PGCKA1: variants seen among roughly 807,000 people sequenced by gnomAD.
PGCKA1 encodes the protein PDCD10 and GCKIII kinases associated 1.
the PGCKA1 span, among the ~76,000 whole-genome samples, chr4:37,543,443 A>G: frequency 1.3e-5 from 2 of 152,226 alleles, no homozygotes; most frequent in South Asian, 4.1e-4. Flanking sequence ...TCATTTATTG[A>G]ATGTTCTGTA....
chr4:37,471,711 G>A, the PGCKA1 span, among the ~76,000 whole-genome samples: 1 of 152,138 alleles, frequency 6.6e-6, no homozygotes, highest in Non-Finnish European at 1.5e-5. Flanking sequence ...AAATGGGAGA[G>A]GGGAGGGAAG....
At chr4:37,560,578 C>T in the PGCKA1 span, among the ~76,000 whole-genome samples, 3 of 152,166 alleles carry the variant, frequency 2.0e-5, no homozygotes, top group Non-Finnish European at 1.5e-5. Flanking sequence ...TCCCCTCCAC[C>T]ACACACCATT....
At chr4:37,503,087 G>C in the PGCKA1 span, among the ~76,000 whole-genome samples, 1 of 152,170 alleles carries the variant, frequency 6.6e-6, no homozygotes, top group African/African-American at 2.4e-5. Flanking sequence ...GCTCTGCATA[G>C]CTGGTATGCT....
chr4:37,506,236 T>C, the PGCKA1 span, among the ~76,000 whole-genome samples: 7 of 152,216 alleles, frequency 4.6e-5, no homozygotes, highest in African/African-American at 1.7e-4. Context: ...AATCAACTTT[T>C]TGTTTTGTTT....
At chr4:37,565,381 C>G in the PGCKA1 span, among the ~76,000 whole-genome samples, 1 of 152,164 alleles carries the variant, frequency 6.6e-6, no homozygotes, top group Non-Finnish European at 1.5e-5. Flanking sequence ...GAAGGGGGGG[C>G]TCTGAGATTG....
the PGCKA1 span, chr4:37,460,923 T>C: frequency 5.1e-6 from 2 of 393,256 alleles, no homozygotes; most frequent in Non-Finnish European, 9.8e-6. Context: ...GCCTATGTCC[T>C]GAGTGGTATT....
the PGCKA1 span, among the ~76,000 whole-genome samples, chr4:37,480,978 C>G: frequency 6.6e-6 from 1 of 152,206 alleles, no homozygotes; most frequent in Non-Finnish European, 1.5e-5. Context: ...ATAAATCATG[C>G]TAATAATGTG....
chr4:37,589,026 TAA>T, the PGCKA1 span: 1 of 679,480 alleles, frequency 1.5e-6, no homozygotes, highest in African/African-American at 1.8e-5. Flanking sequence ...GCCAACACAT[TAA>T]GAGTTTGGAA....
chr4:37,543,750 C>T, the PGCKA1 span, among the ~76,000 whole-genome samples: 16 of 151,670 alleles, frequency 1.1e-4, no homozygotes, highest in South Asian at 3.3e-3. Context: ...AGGAGAATGG[C>T]GTGAACCCAG....
At chr4:37,478,337 G>A in the PGCKA1 span, among the ~76,000 whole-genome samples, 8 of 152,024 alleles carry the variant, frequency 5.3e-5, no homozygotes, top group Admixed American at 1.3e-4. Flanking sequence ...AATGGTGCCC[G>A]GATCTCTAGG....
At chr4:37,572,048 C>CTTTTTTTTTTTTTTTTTTTTT in the PGCKA1 span, among the ~76,000 whole-genome samples, 1 of 111,630 alleles carries the variant, frequency 9.0e-6, no homozygotes, top group Non-Finnish European at 1.8e-5. Flanking sequence ...AACTTCACAC[C>CTTTTTTTTTTTTTTTTTTTTT]TTTTTTTTTT....
chr4:37,503,780 AT>A, the PGCKA1 span, among the ~76,000 whole-genome samples: 2 of 152,194 alleles, frequency 1.3e-5, no homozygotes, highest in African/African-American at 4.8e-5. Context: ...TCTTTTGCCG[AT>A]TTTTTAATCG....
the PGCKA1 span, among the ~76,000 whole-genome samples, chr4:37,499,830 G>A: frequency 6.8e-6 from 1 of 146,300 alleles, no homozygotes; most frequent in Non-Finnish European, 1.5e-5. Context: ...GTTATTTCTT[G>A]TCTTCTGCTA....
chr4:37,494,496 T>C, the PGCKA1 span, among the ~76,000 whole-genome samples: 6 of 152,234 alleles, frequency 3.9e-5, no homozygotes, highest in Non-Finnish European at 7.3e-5. Flanking sequence ...ATAGTGTATA[T>C]GTACCAATTT....
chr4:37,461,307 T>A, the PGCKA1 span, among the ~76,000 whole-genome samples: 1 of 152,080 alleles, frequency 6.6e-6, no homozygotes, highest in African/African-American at 2.4e-5. Flanking sequence ...GGACTCTTTT[T>A]TGGTTCCATA....
chr4:37,506,198 G>A, the PGCKA1 span, among the ~76,000 whole-genome samples: 1 of 151,830 alleles, frequency 6.6e-6, no homozygotes, highest in East Asian at 1.9e-4. Flanking sequence ...CTGGCTAAAG[G>A]TTTGTCGATT....
At chr4:37,547,182 G>A in the PGCKA1 span, among the ~76,000 whole-genome samples, 2 of 152,178 alleles carry the variant, frequency 1.3e-5, no homozygotes, top group Admixed American at 1.3e-4. Flanking sequence ...TTGGGAACTT[G>A]CCTTCTCCAT....
chr4:37,526,107 A>G, the PGCKA1 span, among the ~76,000 whole-genome samples: 1 of 152,248 alleles, frequency 6.6e-6, no homozygotes, highest in African/African-American at 2.4e-5. Context: ...TAGCCCAGAC[A>G]CTAGATGTAG....
the PGCKA1 span, chr4:37,590,406 G>A: frequency 6.2e-7 from 1 of 1,613,630 alleles, no homozygotes; most frequent in South Asian, 1.1e-5. Context: ...GCCCCACCCA[G>A]GATGACAGGG....
Sources: allele counts gnomAD v4.1 joint callset (sites outside exome capture counted in the v4.1 genomes callset), GRCh38; gene constraint gnomAD v4.1.1; transcripts MANE v1.5; gene names NCBI Gene and HGNC (gene_info 2026-07-23, HGNC 2026-07-21).